The following RIC1 variants were observed in gnomAD, a reference collection of about 807,000 sequenced individuals.
RIC1 encodes guanine nucleotide exchange factor subunit RIC1.
In RIC1, 88 loss-of-function variants were observed where a neutral mutation model predicts 169.0. The ratio of observed to expected loss-of-function variants is 0.52; its 90% CI spans 0.44 to 0.62. RIC1 has a LOEUF of 0.62. Among genes scored for constraint, RIC1 ranks in the 20% least tolerant of loss-of-function variants. RIC1 has a pLI of 0.00. For synonymous variants in RIC1, 790 were observed against 601.5 expected (o/e 1.31, Z -4.59); for missense variants, 1,877 against 1,725.5 (o/e 1.09, Z -1.56).
rs991827510 is a variant in RIC1 at position 5,704,044 on chromosome 9, T to G, written c.333-9852T>G. Among the ~76,000 whole-genome samples the G allele has an allele frequency of 1.3e-4, 9 of 70,950 alleles. No homozygotes were observed. In the African/African-American group the frequency reaches 1.8e-3, roughly 15 times the overall value. The allele number at this position is 70,950 out of a possible 152,430, so 46.5% of individuals were successfully genotyped here. A position where few individuals can be genotyped will look rare whatever the true frequency, so the allele number is the denominator to read the frequency against. On this transcript the variant is annotated intron_variant, in intron 3 of 25. Coordinates refer to ENST00000414202, the MANE Select transcript of RIC1 (RefSeq NM_020829.4). Reference sequence around the variant, plus strand: ...CATCAACATTTGTTATTTTCTGGGTTTTTTTTTTTATTATATTAGGGTCAT... The same window carrying G: ...CATCAACATTTGTTATTTTCTGGGTGTTTTTTTTTATTATATTAGGGTCAT...
chr9:5,721,340 G>A (rs1054100225), intron 6 of RIC1, among the ~76,000 whole-genome samples: 8 of 152,148 alleles, frequency 5.3e-5, no homozygotes, highest in African/African-American at 1.9e-4. Flanking sequence ...CATACTGAAA[G>A]GTGAGGAGAG....
intron 1 of RIC1, among the ~76,000 whole-genome samples, chr9:5,656,304 G>T (rs540519464): frequency 6.6e-6 from 1 of 152,078 alleles, no homozygotes; most frequent in Non-Finnish European, 1.5e-5. Flanking sequence ...TCCCTTAAAC[G>T]TTTGGTAGAC....
Position 5,775,492 on chromosome 9 carries a change from A to G in RIC1, c.*1246A>G, listed in dbSNP as rs889223450. The G allele has an allele frequency of 5.9e-5, 9 of 152,144 alleles. No individual in the cohort carries two copies. Among genetic ancestry groups the G allele is most frequent in the African/African-American group, 1.9e-4 (8 of 41,444 alleles). 9.4% of individuals were successfully genotyped at this position (152,144 alleles called of 1,614,324 possible). On this transcript the variant is annotated 3_prime_UTR_variant, in exon 26 of 26. Transcript: ENST00000414202. Reference sequence around the variant, plus strand: ...CAATTTGAACAAGGAATGCAATGTTATTTTTTACAAAAAACAAACTTGTTT... The same window carrying G: ...CAATTTGAACAAGGAATGCAATGTTGTTTTTTACAAAAAACAAACTTGTTT...
rs1342353913 is a variant in RIC1, at chr9:5,756,513, T to C, written c.1853+141T>C. On this transcript the variant is annotated intron_variant, in intron 16 of 25. Transcript: ENST00000414202. Reference sequence around the variant, plus strand: ...TAGAGGTAAAAAAAGCAAGGAGTTTTAATTAGTGATATTGATATAATAGCT... The same window carrying C: ...TAGAGGTAAAAAAAGCAAGGAGTTTCAATTAGTGATATTGATATAATAGCT... The C allele has an allele frequency of 8.6e-6, 4 of 464,518 alleles. No homozygotes were observed. The East Asian group carries it at 1.4e-4, about 16-fold the overall frequency. 28.8% of individuals were successfully genotyped at this position (464,518 alleles called of 1,614,324 possible).
At chr9:5,702,441 G>C (rs1016664286) in intron 3 of RIC1, among the ~76,000 whole-genome samples, 1 of 152,212 alleles carries the variant, frequency 6.6e-6, no homozygotes, top group Non-Finnish European at 1.5e-5. Context: ...AGGGGAAGCA[G>C]GCACCTCTTA....
chr9:5,659,367 A>T (rs1010870004), intron 2 of RIC1, among the ~76,000 whole-genome samples: 2 of 152,138 alleles, frequency 1.3e-5, no homozygotes, highest in Non-Finnish European at 2.9e-5. Context: ...TCAGGATATA[A>T]GTCATGTCAA....
At chr9:5,667,535 T>C (rs1819848193) in intron 2 of RIC1, among the ~76,000 whole-genome samples, 1 of 149,140 alleles carries the variant, frequency 6.7e-6, no homozygotes, top group Non-Finnish European at 1.5e-5. Context: ...GACAGCTTCC[T>C]GTTTTGTTGC....
chr9:5,656,552 A>G lies in RIC1; in HGVS notation c.145-31A>G, dbSNP rs896641024. The G allele has an allele frequency of 7.2e-6, 8 of 1,106,882 alleles. No homozygotes were observed. The African/African-American group carries it at 9.7e-5, about 13-fold the overall frequency. The allele number at this position is 1,106,882 out of a possible 1,614,324, so 68.6% of individuals were successfully genotyped here. On this transcript the variant is annotated intron_variant, in intron 1 of 25. Transcript: ENST00000414202. ...TATTTTTATGAGATATTGATAAAAA[A>G]TACAACTTTTTTTTTTTTTTAATCA...
intron 1 of RIC1, among the ~76,000 whole-genome samples, chr9:5,647,667 A>G (rs1228309943): frequency 6.6e-6 from 1 of 152,164 alleles, no homozygotes; most frequent in African/African-American, 2.4e-5. Context: ...TAGAGTCTTT[A>G]CATATAAGAT....
At chr9:5,678,624 T>C (rs1249748183) in intron 2 of RIC1, among the ~76,000 whole-genome samples, 7 of 152,178 alleles carry the variant, frequency 4.6e-5, no homozygotes, top group African/African-American at 7.2e-5. Context: ...TTTCATGTGT[T>C]TTTTGGCTGC....
intron 2 of RIC1, among the ~76,000 whole-genome samples, chr9:5,660,575 G>GT (rs1393525712): frequency 6.6e-6 from 1 of 152,082 alleles, no homozygotes; most frequent in Non-Finnish European, 1.5e-5. Flanking sequence ...TCTCATTGTG[G>GT]TTTTGACTTG....
At chr9:5,720,400 A>G in intron 5 of RIC1, 76 bp downstream of exon 5, 1 of 1,425,674 alleles carries the variant, frequency 7.0e-7, no homozygotes, top group South Asian at 1.3e-5. Context: ...CTATGGATGA[A>G]CACTTCTTTG....
chr9:5,716,178 A>G (rs1823232477), intron 4 of RIC1, among the ~76,000 whole-genome samples: 1 of 152,082 alleles, frequency 6.6e-6, no homozygotes, highest in Non-Finnish European at 1.5e-5. Context: ...TTTAACACAC[A>G]CGCACACCTG....
At chr9:5,708,624 A>ACTTGGGATCT (rs1261820430) in intron 3 of RIC1, among the ~76,000 whole-genome samples, 2 of 152,040 alleles carry the variant, frequency 1.3e-5, no homozygotes. Flanking sequence ...TGTCAGTCTT[A>ACTTGGGATCT]CTTGGGATCT....
At chr9:5,764,819 A>G (rs982408432) in intron 19 of RIC1, among the ~76,000 whole-genome samples, 6 of 152,224 alleles carry the variant, frequency 3.9e-5, no homozygotes. Flanking sequence ...TTTCTGCAAC[A>G]GAATTCCTAA....
intron 3 of RIC1, among the ~76,000 whole-genome samples, chr9:5,696,508 C>T (rs528938430): frequency 5.9e-5 from 9 of 152,156 alleles, no homozygotes; most frequent in Admixed American, 5.2e-4. Context: ...CCTATATCCG[C>T]CCCTGTACCC....
At chr9:5,674,252 G>A (rs536513376) in intron 2 of RIC1, among the ~76,000 whole-genome samples, 69 of 151,816 alleles carry the variant, frequency 4.5e-4, no homozygotes, top group South Asian at 2.3e-3. Context: ...GGAGAAATTT[G>A]TCATTCATAA....
intron 4 of RIC1, among the ~76,000 whole-genome samples, chr9:5,715,643 G>A (rs1404199187): frequency 1.3e-5 from 2 of 152,280 alleles, no homozygotes; most frequent in East Asian, 3.9e-4. Context: ...TGGTTATGCT[G>A]TTGCTTATAG....
intron 1 of RIC1, among the ~76,000 whole-genome samples, chr9:5,645,568 T>G (rs1192078937): frequency 2.0e-5 from 3 of 152,226 alleles, no homozygotes; most frequent in African/African-American, 7.2e-5. Flanking sequence ...TCTCATCCCA[T>G]CAGTCCCTGG....
Sources: allele counts gnomAD v4.1 joint callset (sites outside exome capture counted in the v4.1 genomes callset), GRCh38; gene constraint gnomAD v4.1.1; transcripts MANE v1.5; gene names NCBI Gene and HGNC (gene_info 2026-07-23, HGNC 2026-07-21).